Variants in PTPN13 observed in about 807,000 individuals in gnomAD.
PTPN13 encodes the protein tyrosine-protein phosphatase non-receptor type 13.
Under a neutral mutation model 284.0 loss-of-function variants are expected in PTPN13, and 191 were observed. The observed-to-expected ratio is 0.67, with a 90% CI of 0.60 to 0.76. The LOEUF (loss-of-function observed/expected upper bound fraction) is 0.76, where lower values mean the gene tolerates loss of function less well. Among genes scored for constraint, PTPN13 ranks in the 30% least tolerant of loss-of-function variants. PTPN13 has a pLI of 0.00. For missense variants in PTPN13, 2,797 were observed against 2,939.9 expected, an observed-to-expected ratio of 0.95 and a Z score of 1.12; for synonymous variants, 986 against 1,022.3, an observed-to-expected ratio of 0.96 and a Z score of 0.68.
rs116432625 is a variant in PTPN13 at position 86,612,706 on chromosome 4, A to C, written c.-6+17917A>C. On this transcript the variant is annotated intron_variant, in intron 1 of 47. Transcript: ENST00000411767. ...AGAAAAAAAAGCCAAAGAAAAAGGC[A>C]AGCGAGCATGTGGGACAGAGAGAGG... Among the ~76,000 whole-genome samples, 532 of 152,340 alleles carry C rather than the reference A, an allele frequency of 3.5e-3. 3 individuals are homozygous for C. The highest frequency in any genetic ancestry group is 0.012 in the African/African-American group (503 of 41,572).
rs557778730 is a variant in PTPN13, at chr4:86,772,761, C to A, written c.5169-17C>A. The A allele has an allele frequency of 3.4e-5, 53 of 1,575,466 alleles. No homozygotes were observed. The East Asian group carries it at 1.1e-3, about 33-fold the overall frequency. On this transcript the variant is annotated splice_polypyrimidine_tract_variant and intron_variant, in intron 31 of 47. Coordinates refer to ENST00000411767, the MANE Select transcript of PTPN13 (RefSeq NM_080683.3). ...TGAAATGTATTTAAAAATAGTCTTA[C>A]TTCTTTGTCTCTGTAGTAATCCTTC...
intron 30 of PTPN13, 129 bp from the exon 31 acceptor site, chr4:86,771,042 T>G (rs1362893691): frequency 1.1e-6 from 1 of 945,832 alleles, no homozygotes; most frequent in Non-Finnish European, 1.5e-6. Context: ...CTATTGAACA[T>G]AAATTACTTT....
chr4:86,638,818 A>G (rs1317396487), intron 2 of PTPN13, among the ~76,000 whole-genome samples: 1 of 152,140 alleles, frequency 6.6e-6, no homozygotes, highest in Admixed American at 6.5e-5. Flanking sequence ...ACAAAAGCCA[A>G]AATTGACAAA....
In PTPN13 at chr4:86,722,336, T is replaced by C. The variant is rs749529583; in HGVS notation, c.1510T>C (p.Tyr504His). The C allele has an allele frequency of 6.8e-6, 11 of 1,613,714 alleles. No homozygotes were observed. The highest frequency in any genetic ancestry group is 6.7e-5 in the African/African-American group (5 of 74,884). The stretch of plus-strand genomic sequence containing the variant: ...CCTTAGACAGTCTCGGTTGAGCCTA[T>C]ATCCAGGAGACACAATCAAAGCGTC... ...MALRQSRLSL[Y>H]PGDTIKASML... The change falls in exon 10 of 48, where the codon TAT (tyrosine) becomes CAT (histidine). Residue 504 changes from tyrosine (Y) to histidine (H), a missense_variant. Physicochemically the swap from Tyr to His is moderately conservative, Grantham distance 83 (BLOSUM62 2). Transcript: ENST00000411767.
Position 86,672,543 on chromosome 4 carries a change from G to C in PTPN13, c.294G>C (p.Lys98Asn). The change falls in exon 3 of 48, where the codon AAG (lysine) becomes AAC (asparagine). Residue 98 changes from lysine to asparagine, a missense_variant and splice_region_variant. By Grantham distance (94) the Lys-to-Asn change is moderately conservative. Transcript: ENST00000411767. ...QSLTSLSDVEKIHIYSLGMTL... is the reference protein window; with the variant it reads ...QSLTSLSDVENIHIYSLGMTL... ...TAACTTCTCTCTCAGATGTTGAAAA[G>C]GTAACTGTTAAATTTTTTTGTTTGT... The C allele has an allele frequency of 6.3e-7, 1 of 1,594,936 alleles. No homozygotes were observed. The highest frequency in any genetic ancestry group is 1.1e-5 in the South Asian group (1 of 87,830).
chr4:86,625,579 T>C (rs979110493), intron 1 of PTPN13, among the ~76,000 whole-genome samples: 3 of 152,154 alleles, frequency 2.0e-5, no homozygotes, highest in Non-Finnish European at 4.4e-5. Flanking sequence ...TGTGTGTATG[T>C]GTGTGTGTTT....
intron 7 of PTPN13, among the ~76,000 whole-genome samples, chr4:86,704,721 T>A (rs186339391): frequency 1.3e-5 from 2 of 152,166 alleles, no homozygotes; most frequent in Non-Finnish European, 2.9e-5. Flanking sequence ...TATAGGACAA[T>A]CTTGAAATCT....
At chr4:86,659,647 C>T (rs769405205) in intron 2 of PTPN13, among the ~76,000 whole-genome samples, 20 of 152,110 alleles carry the variant, frequency 1.3e-4, no homozygotes, top group Admixed American at 7.9e-4. Flanking sequence ...GAAACCCCGT[C>T]TCTACTAAAA....
chr4:86,741,528 G>A, intron 15 of PTPN13, 106 bp from the exon 16 acceptor site: 1 of 974,354 alleles, frequency 1.0e-6, no homozygotes, highest in Non-Finnish European at 1.5e-6. Flanking sequence ...GGGAATTCAA[G>A]ATGAGATTTG....
chr4:86,756,772 A>G (rs1738021282), intron 20 of PTPN13, among the ~76,000 whole-genome samples: 1 of 152,158 alleles, frequency 6.6e-6, no homozygotes, highest in Non-Finnish European at 1.5e-5. Context: ...GTGACATATT[A>G]ATGCAATTTT....
intron 42 of PTPN13, among the ~76,000 whole-genome samples, chr4:86,802,427 C>T (rs919196044): frequency 1.3e-5 from 2 of 151,924 alleles, no homozygotes; most frequent in African/African-American, 4.8e-5. Flanking sequence ...CCCAGGCTGC[C>T]CATGATAAAC....
chr4:86,725,974 C>T (rs941280026), intron 10 of PTPN13, among the ~76,000 whole-genome samples: 3 of 149,586 alleles, frequency 2.0e-5, no homozygotes, highest in South Asian at 4.2e-4. Context: ...AGTCCTTAAT[C>T]CATTGTGAAT....
chr4:86,775,212 A>G lies in PTPN13; in HGVS notation c.5550A>G (p.Ala1850=), dbSNP rs1295887993. 3 of 1,613,010 alleles carry G rather than the reference A, an allele frequency of 1.9e-6. No homozygotes were observed. The highest frequency in any genetic ancestry group is 2.5e-6 in the Non-Finnish European group (3 of 1,179,520). The change falls in exon 34 of 48, where the codon GCA becomes GCG. Residue 1850 remains alanine, a synonymous_variant. Coordinates refer to ENST00000411767, the MANE Select transcript of PTPN13 (RefSeq NM_080683.3). ...TTACTAATATGACTCATACAGATGC[A>G]GTTAATCTGCTCCGGGCTGCATCCA... ...TDVTNMTHTD[A]VNLLRAASKT...
intron 5 of PTPN13, chr4:86,689,524 A>G: frequency 1.6e-6 from 1 of 613,118 alleles, no homozygotes; most frequent in South Asian, 2.0e-5. Flanking sequence ...CCTAGAAAAA[A>G]TGTATTAACA....
At chr4:86,726,323 A>G (rs1219764627) in intron 10 of PTPN13, among the ~76,000 whole-genome samples, 1 of 149,482 alleles carries the variant, frequency 6.7e-6, no homozygotes, top group Non-Finnish European at 1.5e-5. Flanking sequence ...GTTCCATATG[A>G]ACTTTAAAGT....
intron 1 of PTPN13, among the ~76,000 whole-genome samples, chr4:86,627,070 A>C (rs768428750): frequency 1.1e-4 from 17 of 152,138 alleles, no homozygotes; most frequent in Non-Finnish European, 2.5e-4. Flanking sequence ...ACATGGATGA[A>C]CCTTGAGGAC....
At chr4:86,633,311 C>T (rs1422549626) in intron 1 of PTPN13, among the ~76,000 whole-genome samples, 1 of 152,132 alleles carries the variant, frequency 6.6e-6, no homozygotes, top group African/African-American at 2.4e-5. Flanking sequence ...TCTCCTCACT[C>T]TTGTGTGCCC....
At position 86,635,337 on chromosome 4, in the gene PTPN13, A is replaced by G. The variant is rs1439571511; in HGVS notation, c.81A>G (p.Gln27=). 1 of 1,604,028 alleles carries G rather than the reference A, an allele frequency of 6.2e-7. No individual in the cohort carries two copies. The highest frequency in any genetic ancestry group is 8.5e-7 in the Non-Finnish European group (1 of 1,175,468). ...QEEEIWAVLN[Q]SAESLQELFR... The stretch of plus-strand genomic sequence containing the variant: ...AAGAAATATGGGCTGTATTAAATCA[A>G]AGTGCTGAAAGTCTCCAAGAATTAT... Residue 27 remains glutamine, a synonymous_variant, in exon 2 of 48, where the codon CAA becomes CAG. Transcript: ENST00000411767.
Position 86,785,149 on chromosome 4 carries a change from A to G in PTPN13, c.6119-82A>G, listed in dbSNP as rs1028508209. On this transcript the variant is annotated intron_variant, in intron 38 of 47. Coordinates refer to ENST00000411767, the MANE Select transcript of PTPN13 (RefSeq NM_080683.3). The stretch of plus-strand genomic sequence containing the variant: ...GGTTGCTTAAAATTTGAAAGCACCT[A>G]GCAAATTCTGTTTAACACCTTGTCC... 1.6e-5 allele frequency: 18 copies of G among 1,102,050 alleles called. No individual in the cohort carries two copies. The East Asian group carries it at 4.8e-4, about 29-fold the overall frequency. The allele number at this position is 1,102,050 out of a possible 1,614,324, so 68.3% of individuals were successfully genotyped here.
Sources: allele counts gnomAD v4.1 joint callset (sites outside exome capture counted in the v4.1 genomes callset), GRCh38; gene constraint gnomAD v4.1.1; transcripts MANE v1.5; gene names NCBI Gene and HGNC (gene_info 2026-07-23, HGNC 2026-07-21).